Variants in GARRE1 observed in about 807,000 individuals in gnomAD.
GARRE1 encodes the protein granule associated Rac and RHOG effector protein 1.
In GARRE1, 49 loss-of-function variants were observed where a neutral mutation model predicts 103.2. The observed-to-expected ratio is 0.47, with a 90% CI of 0.38 to 0.60. The LOEUF is 0.60. Among genes scored for constraint, GARRE1 ranks in the 20% least tolerant of loss-of-function variants. The probability of loss-of-function intolerance (pLI) is 0.00; values close to 1 mark genes in which losing one functional copy is unlikely to be tolerated. For synonymous variants in GARRE1, 505 were observed against 532.8 expected, an observed-to-expected ratio of 0.95 and a Z score of 0.72; for missense variants, 1,199 against 1,370.5, an observed-to-expected ratio of 0.87 and a Z score of 1.98.
chr19:34,284,710 C>G (rs189903848), intron 1 of GARRE1, among the ~76,000 whole-genome samples: 58 of 152,222 alleles, frequency 3.8e-4, no homozygotes, highest in African/African-American at 1.3e-3. Flanking sequence ...TTCCATGCAG[C>G]ATGAATAGTG....
chr19:34,276,952 GAC>G (rs2073820670), intron 1 of GARRE1, among the ~76,000 whole-genome samples: 1 of 152,186 alleles, frequency 6.6e-6, no homozygotes, highest in African/African-American at 2.4e-5. Flanking sequence ...ATGAAGATAA[GAC>G]AGCATTGTAG....
chr19:34,266,064 A>C (rs574319525), intron 1 of GARRE1, among the ~76,000 whole-genome samples: 48 of 152,328 alleles, frequency 3.2e-4, no homozygotes, highest in African/African-American at 1.1e-3. Context: ...TATTAACGGT[A>C]AGCTCCTTGA....
chr19:34,313,903 C>T (rs1043530885), intron 2 of GARRE1, among the ~76,000 whole-genome samples: 3 of 152,110 alleles, frequency 2.0e-5, no homozygotes, highest in Non-Finnish European at 4.4e-5. Context: ...CAGGTTCAAG[C>T]AATTCTCCTG....
chr19:34,352,743 G>C lies in GARRE1; in HGVS notation c.3001G>C (p.Val1001Leu). The C allele has an allele frequency of 6.2e-7, 1 of 1,614,090 alleles. No individual in the cohort carries two copies. The highest frequency in any genetic ancestry group is 1.1e-5 in the South Asian group (1 of 91,082). ...CAGCCCCAGCGCACCACTCTATGCA[G>C]TCACCAGCCCTGGCAGCCAGTGGAA... The part of the protein sequence containing the change: ...LPSPSAPLYA[V>L]TSPGSQWNDT... The change falls in exon 14 of 14, where the codon GTC (valine) becomes CTC (leucine). Residue 1001 changes from valine to leucine, a missense_variant. Transcript: ENST00000299505.
intron 1 of GARRE1, among the ~76,000 whole-genome samples, chr19:34,296,836 G>A (rs552746292): frequency 1.3e-5 from 2 of 152,204 alleles, no homozygotes; most frequent in East Asian, 3.9e-4. Flanking sequence ...TGGGGACAGA[G>A]TCTTGCAGTG....
intron 2 of GARRE1, among the ~76,000 whole-genome samples, chr19:34,317,450 A>G (rs1055123981): frequency 6.6e-6 from 1 of 152,172 alleles, no homozygotes; most frequent in African/African-American, 2.4e-5. Context: ...AGCTTCCCAT[A>G]GCTGCCAAGG....
intron 1 of GARRE1, among the ~76,000 whole-genome samples, chr19:34,292,801 C>T (rs992220711): frequency 2.0e-5 from 3 of 150,668 alleles, no homozygotes; most frequent in Non-Finnish European, 4.4e-5. Context: ...GTGGCGTGAT[C>T]TCGGCTCACT....
At chr19:34,338,339 C>T (rs1263931942) in intron 8 of GARRE1, among the ~76,000 whole-genome samples, 1 of 152,136 alleles carries the variant, frequency 6.6e-6, no homozygotes, top group African/African-American at 2.4e-5. Context: ...AGTTTAGGAC[C>T]AGCCTGGGCA....
At chr19:34,345,957 T>C (rs1196668249) in intron 10 of GARRE1, among the ~76,000 whole-genome samples, 1 of 152,248 alleles carries the variant, frequency 6.6e-6, no homozygotes, top group Non-Finnish European at 1.5e-5. Context: ...CTGAAGTCCA[T>C]GGTGTAGTTT....
chr19:34,278,333 A>G (rs1436320038), intron 1 of GARRE1, among the ~76,000 whole-genome samples: 1 of 151,024 alleles, frequency 6.6e-6, no homozygotes, highest in East Asian at 2.0e-4. Flanking sequence ...AGTCCCAGCT[A>G]CTTGGGAGGC....
chr19:34,271,331 C>T (rs981405327), intron 1 of GARRE1, among the ~76,000 whole-genome samples: 1 of 150,768 alleles, frequency 6.6e-6, no homozygotes, highest in African/African-American at 2.4e-5. Context: ...TCACTGCAAC[C>T]TCTGTCTCCC....
At position 34,327,782 on chromosome 19, in the gene GARRE1, A is replaced by G; in HGVS notation, c.858A>G (p.Ile286Met). ...TAATTTATTTCCAGGCATATAAGAT[A>G]GCTCTGGAAAGCTTAGGACACTGTG... is the stretch of plus-strand genomic sequence containing the variant. Reference protein sequence around the residue: ...KIDSALQAYKIALESLGHCEY... With the variant: ...KIDSALQAYKMALESLGHCEY... The change falls in exon 5 of 14, where the codon ATA becomes ATG. Residue 286 changes from isoleucine (I) to methionine (M), a missense_variant. Physicochemically the swap from Ile to Met is conservative, Grantham distance 10. Coordinates refer to ENST00000299505, the MANE Select transcript of GARRE1 (RefSeq NM_014686.5). The G allele has an allele frequency of 6.2e-7, 1 of 1,613,690 alleles. No homozygotes were observed. Among genetic ancestry groups the G allele is most frequent in the Non-Finnish European group, 8.5e-7 (1 of 1,179,600 alleles).
intron 2 of GARRE1, among the ~76,000 whole-genome samples, chr19:34,314,447 G>A (rs1173739813): frequency 1.3e-5 from 2 of 152,150 alleles, no homozygotes; most frequent in East Asian, 3.8e-4. Context: ...TTGTATGTTT[G>A]TATAGCTAAT....
chr19:34,296,267 CAG>C (rs2073946873), intron 1 of GARRE1: 3 of 665,972 alleles, frequency 4.5e-6, no homozygotes, highest in Non-Finnish European at 8.0e-6. Context: ...CATTTGTAGA[CAG>C]AGATATCTAC....
chr19:34,352,541 C>A, intron 13 of GARRE1, 106 bp from the exon 14 acceptor site: 1 of 893,992 alleles, frequency 1.1e-6, no homozygotes. Context: ...GTGAGTGGGG[C>A]TCTCACCCGG....
At chr19:34,309,148 G>A (rs2074025447) in intron 2 of GARRE1, among the ~76,000 whole-genome samples, 1 of 151,828 alleles carries the variant, frequency 6.6e-6, no homozygotes, top group South Asian at 2.1e-4. Context: ...GGAAATGTGG[G>A]GTGTAGTGAC....
intron 1 of GARRE1, among the ~76,000 whole-genome samples, chr19:34,270,398 G>C (rs1054292112): frequency 5.3e-5 from 8 of 152,218 alleles, no homozygotes; most frequent in African/African-American, 1.7e-4. Flanking sequence ...GGAAGTGAGG[G>C]CTTTTTTCAG....
Position 34,272,627 on chromosome 19 carries a change from A to G in GARRE1, c.-796+18013A>G, listed in dbSNP as rs139886292. ...TGATACGGAGTATGATCTCCTAGAG[A>G]GAGGTCACTTTTCATTGCTCCAGCT... is the stretch of plus-strand genomic sequence containing the variant. On this transcript the variant is annotated intron_variant, in intron 1 of 13. Coordinates refer to ENST00000299505, the MANE Select transcript of GARRE1 (RefSeq NM_014686.5). Among the ~76,000 whole-genome samples the G allele has an allele frequency of 1.4e-4, 22 of 152,296 alleles. No individual in the cohort carries two copies. The East Asian group carries it at 3.9e-3, about 27-fold the overall frequency.
chr19:34,326,099 T>C (rs1232316135), intron 3 of GARRE1, among the ~76,000 whole-genome samples: 1 of 152,274 alleles, frequency 6.6e-6, no homozygotes, highest in Non-Finnish European at 1.5e-5. Flanking sequence ...CTTCAGCACG[T>C]ACCTAACATA....
Sources: allele counts gnomAD v4.1 joint callset (sites outside exome capture counted in the v4.1 genomes callset), GRCh38; gene constraint gnomAD v4.1.1; transcripts MANE v1.5; gene names NCBI Gene and HGNC (gene_info 2026-07-23, HGNC 2026-07-21).